BACE2: variants seen among roughly 807,000 people sequenced by gnomAD.
BACE2 encodes beta-secretase 2, also known as 56 kDa aspartic-like protease.
A neutral mutation model predicts 46.2 loss-of-function variants in BACE2; 17 were observed. That is an observed-to-expected ratio of 0.37 (90% CI 0.25 to 0.55). BACE2 has a LOEUF of 0.55. BACE2 is among the 20% of genes least tolerant of loss of function. BACE2 has a pLI of 0.82. For synonymous variants in BACE2, 277 were observed against 295.9 expected, an observed-to-expected ratio of 0.94 and a Z score of 0.66; for missense variants, 595 against 698.1, an observed-to-expected ratio of 0.85 and a Z score of 1.66.
intron 1 of BACE2, among the ~76,000 whole-genome samples, chr21:41,208,694 T>C (rs1986207564): frequency 6.6e-6 from 1 of 152,132 alleles, no homozygotes. Context: ...GCTCAGGGGC[T>C]GCTGAGGATG....
At chr21:41,232,179 C>A (rs1986984289) in intron 2 of BACE2, among the ~76,000 whole-genome samples, 1 of 152,088 alleles carries the variant, frequency 6.6e-6, no homozygotes. Flanking sequence ...CACAAGCGGC[C>A]AGCGTATTGG....
intron 1 of BACE2, among the ~76,000 whole-genome samples, chr21:41,200,057 G>T (rs1404219934): frequency 2.2e-5 from 3 of 138,664 alleles, no homozygotes; most frequent in Admixed American, 2.1e-4. Context: ...GGGGAGGGGG[G>T]AGGAATAGCA....
intron 1 of BACE2, among the ~76,000 whole-genome samples, chr21:41,191,139 A>G (rs1288236772): frequency 1.3e-5 from 2 of 152,156 alleles, no homozygotes; most frequent in African/African-American, 2.4e-5. Flanking sequence ...AAACAGTACC[A>G]TATATGGGAC....
intron 1 of BACE2, among the ~76,000 whole-genome samples, chr21:41,219,213 C>T (rs921801427): frequency 2.6e-5 from 4 of 151,818 alleles, no homozygotes; most frequent in African/African-American, 4.8e-5. Flanking sequence ...AAATATCATT[C>T]TAAGTTGCTA....
chr21:41,253,827 CT>C (rs1987705898), intron 7 of BACE2, among the ~76,000 whole-genome samples: 1 of 152,184 alleles, frequency 6.6e-6, no homozygotes, highest in Admixed American at 6.5e-5. Flanking sequence ...TTTTGGTTGT[CT>C]TTGACATGTT....
chr21:41,250,513 C>T (rs759692614), intron 6 of BACE2, among the ~76,000 whole-genome samples: 6 of 152,180 alleles, frequency 3.9e-5, no homozygotes, highest in Non-Finnish European at 5.9e-5. Flanking sequence ...CTGCAAAGGG[C>T]TTATAAGGGT....
chr21:41,235,584 C>A lies in BACE2; in HGVS notation c.402-1929C>A, dbSNP rs985952102. The stretch of plus-strand genomic sequence containing the variant: ...AGATAGGGTGGCTCATGCCTGTAAT[C>A]CCAGCATTTTGGGAGGCTAAGGTAG... On this transcript the variant is annotated intron_variant, in intron 2 of 8. Transcript: ENST00000330333. 2.6e-5 allele frequency among the ~76,000 whole-genome samples: 4 copies of A among 152,208 alleles called. No individual in the cohort carries two copies. The East Asian group carries it at 7.7e-4, about 29-fold the overall frequency.
At chr21:41,259,300 A>G (rs1259701658) in intron 8 of BACE2, among the ~76,000 whole-genome samples, 2 of 152,174 alleles carry the variant, frequency 1.3e-5, no homozygotes, top group Non-Finnish European at 2.9e-5. Context: ...TTTACCAGCC[A>G]TGGGAAAATA....
chr21:41,213,316 G>T (rs372823492), intron 1 of BACE2, among the ~76,000 whole-genome samples: 13 of 152,308 alleles, frequency 8.5e-5, no homozygotes, highest in African/African-American at 3.1e-4. Flanking sequence ...GCAGCTGGGA[G>T]GCCTTCTGGG....
rs1419946852 is a variant in BACE2 at position 41,278,325 on chromosome 21, G to T, written c.*2701G>T. ...ATTTATTAAAAATAGCAAGAAACAA[G>T]ATGGGGACCAATTCTATTTTTATTC... On this transcript the variant is annotated 3_prime_UTR_variant, in exon 9 of 9. Transcript: ENST00000330333. 4 of 152,172 alleles carry T rather than the reference G, an allele frequency of 2.6e-5. No individual in the cohort carries two copies. The highest frequency in any genetic ancestry group is 9.7e-5 in the African/African-American group (4 of 41,428). 9.4% of individuals were successfully genotyped at this position (152,172 alleles called of 1,614,324 possible).
At chr21:41,243,992 G>A (rs1052505200) in intron 5 of BACE2, among the ~76,000 whole-genome samples, 8 of 152,184 alleles carry the variant, frequency 5.3e-5, no homozygotes, top group African/African-American at 1.7e-4. Flanking sequence ...CTGTATAGAT[G>A]TGTGTGGCTT....
intron 8 of BACE2, among the ~76,000 whole-genome samples, chr21:41,271,418 A>G (rs368075020): frequency 6.6e-6 from 1 of 152,222 alleles, no homozygotes; most frequent in Non-Finnish European, 1.5e-5. Flanking sequence ...AAAGCTTAAC[A>G]TATTTACTAT....
intron 6 of BACE2, among the ~76,000 whole-genome samples, chr21:41,248,156 G>C (rs557275653): frequency 2.0e-5 from 3 of 152,176 alleles, no homozygotes; most frequent in African/African-American, 7.2e-5. Flanking sequence ...CGACCCTGCC[G>C]CAGTGCCCGC....
At chr21:41,215,867 G>C (rs902516346) in intron 1 of BACE2, among the ~76,000 whole-genome samples, 1 of 151,656 alleles carries the variant, frequency 6.6e-6, no homozygotes, top group Non-Finnish European at 1.5e-5. Context: ...TATGTAGCTG[G>C]AGGGACATGG....
intron 7 of BACE2, among the ~76,000 whole-genome samples, chr21:41,255,672 T>G (rs1437318537): frequency 1.3e-5 from 2 of 152,136 alleles, no homozygotes; most frequent in Non-Finnish European, 2.9e-5. Flanking sequence ...ACCTGAGCCA[T>G]GTGAAGTCCT....
intron 1 of BACE2, among the ~76,000 whole-genome samples, chr21:41,171,381 G>A (rs1319932695): frequency 4.6e-5 from 7 of 152,280 alleles, no homozygotes; most frequent in Middle Eastern, 3.4e-3. Context: ...CTTGTTCCCC[G>A]AAGGCTTTAA....
chr21:41,241,569 G>A (rs567818995), intron 3 of BACE2, among the ~76,000 whole-genome samples: 8 of 152,220 alleles, frequency 5.3e-5, no homozygotes, highest in South Asian at 2.1e-4. Flanking sequence ...TGACTGCGTC[G>A]AATGGCTTCC....
At chr21:41,267,792 G>GA (rs926449204) in intron 8 of BACE2, among the ~76,000 whole-genome samples, 4 of 151,908 alleles carry the variant, frequency 2.6e-5, no homozygotes, top group African/African-American at 9.7e-5. Flanking sequence ...CATGGTTGCA[G>GA]AAAAAAAATC....
At chr21:41,261,721 G>A (rs1289347567) in intron 8 of BACE2, among the ~76,000 whole-genome samples, 1 of 151,692 alleles carries the variant, frequency 6.6e-6, no homozygotes, top group Non-Finnish European at 1.5e-5. Flanking sequence ...ATGTGAATTA[G>A]GAAATTAATT....
Sources: allele counts gnomAD v4.1 joint callset (sites outside exome capture counted in the v4.1 genomes callset), GRCh38; gene constraint gnomAD v4.1.1; transcripts MANE v1.5; gene names NCBI Gene and HGNC (gene_info 2026-07-23, HGNC 2026-07-21).